Variants in FANCM observed in about 807,000 individuals in gnomAD.
The protein encoded by FANCM is Fanconi anemia group M protein.
A neutral mutation model predicts 199.5 loss-of-function variants in FANCM; 140 were observed. The observed-to-expected ratio is 0.70, with a 90% CI of 0.61 to 0.81. The LOEUF (loss-of-function observed/expected upper bound fraction) is 0.81. FANCM is among the 30% of genes least tolerant of loss of function. The probability of loss-of-function intolerance (pLI) is 0.00; values close to 1 mark genes in which losing one functional copy is unlikely to be tolerated. For missense variants in FANCM, 2,410 were observed against 2,421.4 expected (o/e 1.00, Z 0.10); for synonymous variants, 840 against 836.8 (o/e 1.00, Z -0.07).
At chr14:45,192,951 A>G (rs1055551234) in intron 20 of FANCM, among the ~76,000 whole-genome samples, 14 of 152,234 alleles carry the variant, frequency 9.2e-5, no homozygotes, top group Non-Finnish European at 1.8e-4. Context: ...ATAGCCACTC[A>G]TGGGCTTTTC....
Position 45,151,688 on chromosome 14 carries a change from G to A in FANCM, c.1050+160G>A, listed in dbSNP as rs556637232. ...GCCTGTAATCCTAACAGTTTGGGAG[G>A]CCAAGGTGGGAGGATCACTTGAGCC... On this transcript the variant is annotated intron_variant, in intron 5 of 22. Transcript: ENST00000267430. 6.4e-4 allele frequency among the ~76,000 whole-genome samples: 97 copies of A among 152,166 alleles called. 1 individual carries two copies. Among genetic ancestry groups the A allele is most frequent in the Non-Finnish European group, 1.2e-3 (82 of 68,002 alleles).
chr14:45,137,135 A>AG lies in FANCM; in HGVS notation c.577dup (p.Val193GlyfsTer5). On this transcript the variant is annotated frameshift_variant, in exon 2 of 23. Transcript: ENST00000267430. LOFTEE classifies it high-confidence loss of function. ...AAGAGAGTGCTTTTTCTTACACCTCAGGTCATGGTAAATGACCTTTCTAGA... is the reference window on the plus strand; with the variant it reads ...AAGAGAGTGCTTTTTCTTACACCTCAGGGTCATGGTAAATGACCTTTCTAGA... 6.2e-7 allele frequency: 1 copy of AG among 1,613,366 alleles called. No homozygotes were observed. The highest frequency in any genetic ancestry group is 8.5e-7 in the Non-Finnish European group (1 of 1,179,410).
intron 19 of FANCM, 76 bp downstream of exon 19, chr14:45,187,963 T>G: frequency 1.3e-6 from 1 of 796,574 alleles, no homozygotes; most frequent in South Asian, 1.5e-5. Context: ...GAAGCCTCCA[T>G]TTTGTTTCTA....
At chr14:45,151,656 G>C in intron 5 of FANCM, 128 bp downstream of exon 5, 1 of 833,802 alleles carries the variant, frequency 1.2e-6, no homozygotes, top group East Asian at 2.8e-5. Context: ...CGAACACAGT[G>C]GCTGATGCCT....
intron 11 of FANCM, 25 bp downstream of exon 11, chr14:45,167,188 A>G (rs1052683575): frequency 7.2e-7 from 1 of 1,382,304 alleles, no homozygotes; most frequent in Non-Finnish European, 1.0e-6. Context: ...CATTTGACAC[A>G]TGCATTTTTC....
chr14:45,195,817 A>C (rs1890023566), intron 20 of FANCM, among the ~76,000 whole-genome samples: 1 of 152,078 alleles, frequency 6.6e-6, no homozygotes, highest in Non-Finnish European at 1.5e-5. Context: ...CTTATTCTTC[A>C]TGATGAACTC....
At chr14:45,186,385 G>A (rs1037673156) in intron 18 of FANCM, among the ~76,000 whole-genome samples, 6 of 152,158 alleles carry the variant, frequency 3.9e-5, no homozygotes, top group Admixed American at 3.3e-4. Flanking sequence ...ATGCTTGAAC[G>A]GATCTTACAT....
intron 11 of FANCM, among the ~76,000 whole-genome samples, chr14:45,167,815 C>A (rs913818241): frequency 2.0e-5 from 3 of 152,058 alleles, no homozygotes; most frequent in African/African-American, 4.8e-5. Context: ...TTGGAAGGAA[C>A]CTTGGGAGTC....
chr14:45,179,998 T>C (rs1433344912), intron 14 of FANCM, among the ~76,000 whole-genome samples: 1 of 152,210 alleles, frequency 6.6e-6, no homozygotes, highest in East Asian at 1.9e-4. Flanking sequence ...TACAATTTCT[T>C]TGAGGCTCTT....
intron 6 of FANCM, 31 bp downstream of exon 6, chr14:45,154,083 A>G (rs1594772538): frequency 6.8e-7 from 1 of 1,471,312 alleles, no homozygotes. Flanking sequence ...TAAAGAAATA[A>G]TGACATGTAT....
chr14:45,174,303 C>G (rs946489267), intron 13 of FANCM, among the ~76,000 whole-genome samples: 22 of 151,940 alleles, frequency 1.4e-4, no homozygotes, highest in Non-Finnish European at 2.9e-4. Flanking sequence ...AGGAGAGTCA[C>G]TTGAACCCGG....
chr14:45,171,445 C>T (rs554105759), intron 12 of FANCM, among the ~76,000 whole-genome samples: 1 of 152,076 alleles, frequency 6.6e-6, no homozygotes, highest in African/African-American at 2.4e-5. Flanking sequence ...ACACTGCACC[C>T]AATGTATAGT....
At chr14:45,147,919 C>T (rs1043450890) in intron 3 of FANCM, among the ~76,000 whole-genome samples, 2 of 145,494 alleles carry the variant, frequency 1.4e-5, no homozygotes, top group East Asian at 2.1e-4. Context: ...AAAAAAAAGC[C>T]GGGCGTGATG....
chr14:45,198,195 G>T (rs1307477158), intron 21 of FANCM, among the ~76,000 whole-genome samples: 1 of 152,160 alleles, frequency 6.6e-6, no homozygotes, highest in Non-Finnish European at 1.5e-5. Flanking sequence ...GTAGAATATG[G>T]AATAGAAAAT....
chr14:45,166,136 A>C (rs111944075), intron 10 of FANCM, among the ~76,000 whole-genome samples: 7 of 151,724 alleles, frequency 4.6e-5, no homozygotes, highest in African/African-American at 1.2e-4. Flanking sequence ...CTTTTTAAAA[A>C]AAAAAAAACA....
rs780715596 is a variant in FANCM at position 45,181,400 on chromosome 14, C to A, written c.4223-30C>A. 3.4e-6 allele frequency: 4 copies of A among 1,170,258 alleles called. No homozygotes were observed. The South Asian group carries it at 3.8e-5, about 11-fold the overall frequency. The allele number at this position is 1,170,258 out of a possible 1,614,324, so 72.5% of individuals were successfully genotyped here. ...GATTGGGTAAACCTAAATCTATTAA[C>A]CATTCATTATTTTAAAAAATAAATT... On this transcript the variant is annotated intron_variant, in intron 14 of 22. Transcript: ENST00000267430.
chr14:45,178,046 A>T (rs1378933238), intron 14 of FANCM, among the ~76,000 whole-genome samples: 1 of 152,226 alleles, frequency 6.6e-6, no homozygotes, highest in Non-Finnish European at 1.5e-5. Context: ...ATATCAAGTC[A>T]TTTATGAATT....
chr14:45,184,017 T>A (rs1256588435), intron 17 of FANCM, 115 bp downstream of exon 17: 1 of 745,994 alleles, frequency 1.3e-6, no homozygotes, highest in Non-Finnish European at 2.1e-6. Context: ...AATTAAGTAT[T>A]TTGACACCCA....
At position 45,200,060 on chromosome 14, in the gene FANCM, C is replaced by T. The variant is rs1285772004; in HGVS notation, c.*52C>T. 20 of 1,244,150 alleles carry T rather than the reference C, an allele frequency of 1.6e-5. No homozygotes were observed. The highest frequency in any genetic ancestry group is 2.1e-5 in the Non-Finnish European group (18 of 863,450). 77.1% of individuals were successfully genotyped at this position (1,244,150 alleles called of 1,614,324 possible). Reference sequence around the variant, plus strand: ...AAGACCTCTCACAATATTAAATGCACTTCAATAATCATTGCTGTTTTATGT... The same window carrying T: ...AAGACCTCTCACAATATTAAATGCATTTCAATAATCATTGCTGTTTTATGT... On this transcript the variant is annotated 3_prime_UTR_variant, in exon 23 of 23. Transcript: ENST00000267430.
Sources: gnomAD v4.1 joint callset for allele counts (sites outside exome capture counted in the v4.1 genomes callset) on GRCh38, gnomAD v4.1.1 for gene constraint, MANE v1.5 for transcripts, NCBI Gene and HGNC (gene_info 2026-07-23, HGNC 2026-07-21) for gene names.